The following KRABD5 variants were observed in gnomAD, a reference collection of about 807,000 sequenced individuals.
The protein encoded by KRABD5 is KRAB domain-containing protein 5.
the KRABD5 span, among the ~76,000 whole-genome samples, chr16:31,743,243 T>G: frequency 6.6e-6 from 1 of 152,210 alleles, no homozygotes; most frequent in Non-Finnish European, 1.5e-5. Context: ...TCTAGGGTTT[T>G]TATGGTTTTG....
chr16:31,714,513 A>G, the KRABD5 span: 4 of 438,406 alleles, frequency 9.1e-6, no homozygotes, highest in Non-Finnish European at 1.8e-5. Flanking sequence ...AGAGCTCGCT[A>G]GATGCTTGTG....
At chr16:31,729,252 C>G in the KRABD5 span, among the ~76,000 whole-genome samples, 1 of 152,108 alleles carries the variant, frequency 6.6e-6, no homozygotes. Context: ...GTTTTAAATC[C>G]ATTTTGTGCT....
the KRABD5 span, among the ~76,000 whole-genome samples, chr16:31,747,354 G>T: frequency 6.6e-6 from 1 of 152,154 alleles, no homozygotes; most frequent in Non-Finnish European, 1.5e-5. Context: ...ATTCCATGGT[G>T]TATATGTGCC....
At chr16:31,713,260 C>G in the KRABD5 span, 2 of 833,976 alleles carry the variant, frequency 2.4e-6, no homozygotes, top group East Asian at 3.0e-5. Context: ...TGGCGGTGGC[C>G]TTTGTTGGCT....
At chr16:31,738,896 C>T in the KRABD5 span, among the ~76,000 whole-genome samples, 2 of 152,094 alleles carry the variant, frequency 1.3e-5, no homozygotes, top group African/African-American at 4.8e-5. Context: ...CTTAAAGTTA[C>T]AACAATTTAC....
the KRABD5 span, chr16:31,723,352 A>G: frequency 1.2e-6 from 2 of 1,611,608 alleles, no homozygotes; most frequent in East Asian, 2.2e-5. Flanking sequence ...CCATCCAGCC[A>G]GGTAGGTGGG....
At chr16:31,716,982 T>TGTCA in the KRABD5 span, among the ~76,000 whole-genome samples, 3 of 151,174 alleles carry the variant, frequency 2.0e-5, no homozygotes, top group South Asian at 4.2e-4. Flanking sequence ...TTTTGTCTTT[T>TGTCA]GTCAGTCAGT....
At chr16:31,739,147 TA>T in the KRABD5 span, among the ~76,000 whole-genome samples, 1 of 152,210 alleles carries the variant, frequency 6.6e-6, no homozygotes, top group African/African-American at 2.4e-5. Context: ...GAACACTTTA[TA>T]TTTTTATATA....
chr16:31,723,166 C>T, the KRABD5 span: 2 of 1,349,482 alleles, frequency 1.5e-6, no homozygotes, highest in East Asian at 5.1e-5. Flanking sequence ...TTCTAGGATC[C>T]TCTATAATGT....
the KRABD5 span, among the ~76,000 whole-genome samples, chr16:31,730,136 A>G: frequency 3.3e-5 from 5 of 152,032 alleles, no homozygotes; most frequent in African/African-American, 1.2e-4. Flanking sequence ...TAATGTTTTC[A>G]TATTTAGTTA....
the KRABD5 span, among the ~76,000 whole-genome samples, chr16:31,744,565 G>T: frequency 6.6e-6 from 1 of 152,074 alleles, no homozygotes; most frequent in Non-Finnish European, 1.5e-5. Flanking sequence ...TGTTCATTGG[G>T]GTATTAGCCT....
the KRABD5 span, among the ~76,000 whole-genome samples, chr16:31,721,530 A>T: frequency 2.0e-3 from 306 of 151,780 alleles, 3 homozygotes; most frequent in African/African-American, 6.9e-3. Flanking sequence ...TTGGCAAAAA[A>T]TTTTTTTTCA....
At chr16:31,721,373 T>C in the KRABD5 span, among the ~76,000 whole-genome samples, 984 of 152,236 alleles carry the variant, frequency 6.5e-3, 9 homozygotes, top group African/African-American at 0.023. Context: ...ACACCTGCTC[T>C]GAACATTCTT....
the KRABD5 span, among the ~76,000 whole-genome samples, chr16:31,743,730 A>T: frequency 6.6e-6 from 1 of 152,090 alleles, no homozygotes; most frequent in African/African-American, 2.4e-5. Flanking sequence ...CCATTTTCAC[A>T]ATGTTGATTC....
chr16:31,743,997 G>C, the KRABD5 span, among the ~76,000 whole-genome samples: 1 of 152,124 alleles, frequency 6.6e-6, no homozygotes, highest in Non-Finnish European at 1.5e-5. Flanking sequence ...TTCTGAAGTT[G>C]CTTATCAGTT....
At chr16:31,717,445 C>T in the KRABD5 span, among the ~76,000 whole-genome samples, 1 of 152,172 alleles carries the variant, frequency 6.6e-6, no homozygotes, top group African/African-American at 2.4e-5. Context: ...TGCAAATGTA[C>T]CTACCTGTCT....
chr16:31,753,972 C>T, the KRABD5 span: 1 of 1,526,248 alleles, frequency 6.6e-7, no homozygotes, highest in Non-Finnish European at 8.9e-7. Context: ...TAACAAAAAC[C>T]TCACTGTTAC....
the KRABD5 span, among the ~76,000 whole-genome samples, chr16:31,745,695 G>GA: frequency 0.61 from 93,366 of 151,914 alleles, 29,580 homozygotes; most frequent in Middle Eastern, 0.73. Context: ...CTGTCTTGTT[G>GA]ATCTGTCTAA....
the KRABD5 span, among the ~76,000 whole-genome samples, chr16:31,742,707 T>A: frequency 8.5e-5 from 13 of 152,238 alleles, no homozygotes; most frequent in Admixed American, 8.5e-4. Flanking sequence ...AAATAGTGTT[T>A]CTGATTCTCG....
Sources: gnomAD v4.1 joint callset for allele counts (sites outside exome capture counted in the v4.1 genomes callset) on GRCh38, gnomAD v4.1.1 for gene constraint, MANE v1.5 for transcripts, NCBI Gene and HGNC (gene_info 2026-07-23, HGNC 2026-07-21) for gene names.